The following SYN3 variants were observed in gnomAD, a reference collection of about 807,000 sequenced individuals.
SYN3 encodes synapsin III, also known as synapsin-3.
In SYN3, 35 loss-of-function variants were observed where a neutral mutation model predicts 65.8. That is an observed-to-expected ratio of 0.53 (90% CI 0.41 to 0.70). SYN3 has a LOEUF of 0.70. Ranked by LOEUF, SYN3 falls within the 30% of genes least tolerant of loss-of-function variation. The pLI, the probability that SYN3 is intolerant of heterozygous loss-of-function variation, is 0.00. For missense variants in SYN3, 680 were observed against 749.0 expected (o/e 0.91, Z 1.08); for synonymous variants, 270 against 292.9 (o/e 0.92, Z 0.80).
intron 6 of SYN3, among the ~76,000 whole-genome samples, chr22:32,668,786 C>T (rs957816088): frequency 3.3e-5 from 5 of 152,092 alleles, no homozygotes; most frequent in African/African-American, 9.7e-5. Context: ...ACATTGTCCC[C>T]GTGCACTCCT....
intron 7 of SYN3, among the ~76,000 whole-genome samples, chr22:32,590,421 A>G (rs1468112909): frequency 1.3e-5 from 2 of 152,226 alleles, no homozygotes; most frequent in Non-Finnish European, 2.9e-5. Context: ...ATTTATATGA[A>G]TATACTACAA....
At chr22:32,630,273 C>T (rs187480233) in intron 6 of SYN3, among the ~76,000 whole-genome samples, 3 of 152,108 alleles carry the variant, frequency 2.0e-5, no homozygotes, top group Non-Finnish European at 4.4e-5. Flanking sequence ...TAAGCCACCA[C>T]ACCCGGCCGT....
chr22:32,750,040 A>AT (rs1442842386), intron 6 of SYN3, among the ~76,000 whole-genome samples: 1 of 152,192 alleles, frequency 6.6e-6, no homozygotes, highest in Non-Finnish European at 1.5e-5. Flanking sequence ...TCTTTTACAA[A>AT]TTCATTCTGT....
intron 1 of SYN3, among the ~76,000 whole-genome samples, chr22:33,049,276 A>C (rs973889672): frequency 6.6e-6 from 1 of 152,154 alleles, no homozygotes; most frequent in African/African-American, 2.4e-5. Context: ...ACTCCTTGCC[A>C]GGGCTTCAAT....
At chr22:32,618,307 G>C (rs2059548577) in intron 6 of SYN3, among the ~76,000 whole-genome samples, 1 of 152,102 alleles carries the variant, frequency 6.6e-6, no homozygotes, top group Non-Finnish European at 1.5e-5. Context: ...TCTCCCCTTA[G>C]GAAAAAGCAA....
intron 1 of SYN3, among the ~76,000 whole-genome samples, chr22:33,011,176 T>C (rs976813891): frequency 7.9e-5 from 12 of 152,188 alleles, no homozygotes; most frequent in Non-Finnish European, 1.3e-4. Context: ...AAACACTCAG[T>C]ATCTCACCAT....
intron 6 of SYN3, among the ~76,000 whole-genome samples, chr22:32,786,885 G>A (rs781529575): frequency 6.6e-6 from 1 of 152,048 alleles, no homozygotes; most frequent in Admixed American, 6.6e-5. Context: ...CTACAATAAA[G>A]AGGGGGAATG....
At chr22:32,924,092 G>C (rs2050406267) in intron 4 of SYN3, among the ~76,000 whole-genome samples, 1 of 152,218 alleles carries the variant, frequency 6.6e-6, no homozygotes, top group African/African-American at 2.4e-5. Context: ...TACCACTGAT[G>C]GGAATTTAGG....
At chr22:32,672,547 G>C (rs2060385637) in intron 6 of SYN3, among the ~76,000 whole-genome samples, 1 of 152,142 alleles carries the variant, frequency 6.6e-6, no homozygotes, top group African/African-American at 2.4e-5. Context: ...CTGCTGCTTG[G>C]GGCAGGGATG....
intron 6 of SYN3, among the ~76,000 whole-genome samples, chr22:32,765,021 C>T (rs531288831): frequency 6.6e-6 from 1 of 151,940 alleles, no homozygotes; most frequent in Non-Finnish European, 1.5e-5. Context: ...TCCTGCGCCC[C>T]CACCCCACCC....
intron 6 of SYN3, among the ~76,000 whole-genome samples, chr22:32,832,541 GT>G (rs11295694): frequency 0.098 from 13,605 of 138,468 alleles, 595 homozygotes; most frequent in Middle Eastern, 0.15. Flanking sequence ...ATAAGCCTGG[GT>G]TTTTTTTTTT....
intron 6 of SYN3, among the ~76,000 whole-genome samples, chr22:32,618,399 G>T (rs1332658986): frequency 1.3e-5 from 2 of 152,128 alleles, no homozygotes; most frequent in Admixed American, 1.3e-4. Flanking sequence ...CGGGCACAAG[G>T]TTTGTCTATG....
intron 7 of SYN3, among the ~76,000 whole-genome samples, chr22:32,547,790 T>C (rs1451005870): frequency 1.3e-5 from 2 of 152,162 alleles, no homozygotes; most frequent in African/African-American, 4.8e-5. Flanking sequence ...GTCATCTACA[T>C]ACTTAGTAGA....
At position 32,511,323 on chromosome 22, in the gene SYN3, C is replaced by G. The variant is rs1292419314; in HGVS notation, c.*2369G>C. ...CCAAGCATGACTGTGGGATATTGAC[C>G]CCAGGACCCCCACCTCCACCCACCT... On this transcript the variant is annotated 3_prime_UTR_variant, in exon 14 of 14. Transcript: ENST00000358763. 6.6e-6 allele frequency among the ~76,000 whole-genome samples: 1 copy of G among 152,070 alleles called. No homozygotes were observed. The highest frequency in any genetic ancestry group is 1.9e-4 in the East Asian group (1 of 5,176).
chr22:32,685,298 A>G (rs922654550), intron 6 of SYN3, among the ~76,000 whole-genome samples: 1 of 244 alleles, frequency 4.1e-3, no homozygotes, highest in East Asian at 0.17. Context: ...AAGTGATAAC[A>G]TCCCAAAATT....
chr22:32,721,022 C>T (rs1174453566), intron 6 of SYN3, among the ~76,000 whole-genome samples: 3 of 152,238 alleles, frequency 2.0e-5, no homozygotes, highest in African/African-American at 7.2e-5. Context: ...TCCTTTGCCT[C>T]CTGGGCTCTC....
intron 4 of SYN3, among the ~76,000 whole-genome samples, chr22:32,910,842 A>T (rs1489214274): frequency 6.6e-6 from 1 of 152,214 alleles, no homozygotes; most frequent in Non-Finnish European, 1.5e-5. Context: ...AGCCATTTTT[A>T]TCATGGCTGC....
At chr22:32,796,488 C>T (rs1330639194) in intron 6 of SYN3, among the ~76,000 whole-genome samples, 1 of 152,172 alleles carries the variant, frequency 6.6e-6, no homozygotes, top group Non-Finnish European at 1.5e-5. Context: ...ATGAAATTGG[C>T]TCCAGATGGA....
intron 6 of SYN3, among the ~76,000 whole-genome samples, chr22:32,723,242 A>G (rs2061144088): frequency 6.6e-6 from 1 of 152,222 alleles, no homozygotes; most frequent in African/African-American, 2.4e-5. Context: ...ACTTGAAGGT[A>G]ACGTGAGCAT....
Sources: allele counts gnomAD v4.1 joint callset (sites outside exome capture counted in the v4.1 genomes callset), GRCh38; gene constraint gnomAD v4.1.1; transcripts MANE v1.5; gene names NCBI Gene and HGNC (gene_info 2026-07-23, HGNC 2026-07-21).